The following CCDC15 variants were observed in gnomAD, a reference collection of about 807,000 sequenced individuals.
CCDC15 encodes coiled-coil domain-containing protein 15.
In CCDC15, 105 loss-of-function variants were observed where a neutral mutation model predicts 114.5. The ratio of observed to expected loss-of-function variants is 0.92; its 90% CI spans 0.78 to 1.08. The LOEUF is 1.08. Ranked by LOEUF, CCDC15 falls within the 50% of genes least tolerant of loss-of-function variation. CCDC15 has a pLI of 0.00. For missense variants in CCDC15, 1,105 were observed against 1,093.6 expected (o/e 1.01, Z -0.15); for synonymous variants, 334 against 377.8 (o/e 0.88, Z 1.34).
intron 13 of CCDC15, among the ~76,000 whole-genome samples, chr11:125,005,772 T>C (rs1332121545): frequency 6.6e-6 from 1 of 152,218 alleles, no homozygotes; most frequent in Admixed American, 6.5e-5. Flanking sequence ...TCCATGGTTT[T>C]GCCTTTTCCA....
At chr11:124,969,969 T>A (rs780115380) in intron 4 of CCDC15, among the ~76,000 whole-genome samples, 3 of 152,144 alleles carry the variant, frequency 2.0e-5, no homozygotes, top group Non-Finnish European at 4.4e-5. Context: ...TCTCATAGGG[T>A]GACCAACCTT....
intron 13 of CCDC15, among the ~76,000 whole-genome samples, chr11:125,012,871 T>C (rs1356933780): frequency 6.6e-6 from 1 of 152,168 alleles, no homozygotes; most frequent in African/African-American, 2.4e-5. Flanking sequence ...GACAGGATAG[T>C]ACATATTTAC....
At chr11:124,995,610 A>G (rs1361066466) in intron 11 of CCDC15, among the ~76,000 whole-genome samples, 1 of 152,170 alleles carries the variant, frequency 6.6e-6, no homozygotes, top group Non-Finnish European at 1.5e-5. Flanking sequence ...GCAAGACACG[A>G]CACTCAAATT....
intron 11 of CCDC15, among the ~76,000 whole-genome samples, chr11:124,996,220 G>A (rs1223466564): frequency 6.6e-6 from 1 of 152,020 alleles, no homozygotes; most frequent in Non-Finnish European, 1.5e-5. Context: ...CATACTTAGG[G>A]TTCCCAGGGC....
At chr11:124,954,968 T>A (rs1051202193) in intron 2 of CCDC15, 59 bp downstream of exon 2, 14 of 1,477,496 alleles carry the variant, frequency 9.5e-6, no homozygotes, top group Non-Finnish European at 1.2e-5. Flanking sequence ...TTATTAGCCT[T>A]CTCTAATCCT....
rs943792762 is a variant in CCDC15 at position 125,038,921 on chromosome 11, A to C, written c.2586A>C (p.Arg862Ser). 1.9e-6 allele frequency: 3 copies of C among 1,612,514 alleles called. No homozygotes were observed. In the African/African-American group the frequency reaches 4.0e-5, roughly 22 times the overall value. Residue 862 changes from arginine to serine, a missense_variant and splice_region_variant, in exon 15 of 16, where the codon AGA (arginine) becomes AGC (serine). Transcript: ENST00000344762. ...GCCTGATTATACTTTATTTGTACAG[A>C]TATGTAGAAGCTTTACGAGCCCAAA... ...EKQQREKEYLRYVEALRAQIQ... is the reference protein window; with the variant it reads ...EKQQREKEYLSYVEALRAQIQ...
intron 13 of CCDC15, among the ~76,000 whole-genome samples, chr11:125,010,637 AG>A (rs1265952757): frequency 1.3e-5 from 2 of 152,186 alleles, no homozygotes; most frequent in Non-Finnish European, 2.9e-5. Context: ...GGGGAATTAC[AG>A]GAGTGAGCTA....
intron 13 of CCDC15, among the ~76,000 whole-genome samples, chr11:125,018,813 A>C (rs1948644619): frequency 6.6e-6 from 1 of 152,014 alleles, no homozygotes; most frequent in South Asian, 2.1e-4. Context: ...TTTAAAGCCA[A>C]AGTTGGGGAT....
In CCDC15 at chr11:125,003,942, G is replaced by A. The variant is rs1427179276; in HGVS notation, c.2290G>A (p.Glu764Lys). ...GGCATTTCAGTCTGACGTGGATAAAGAAGAAGATAAGAAAGAGGTATGTAA... is the reference window on the plus strand; with the variant it reads ...GGCATTTCAGTCTGACGTGGATAAAAAAGAAGATAAGAAAGAGGTATGTAA... ...PLAFQSDVDK[E>K]EDKKERQKQY... The change falls in exon 12 of 16, where the codon GAA (glutamate) becomes AAA (lysine). Residue 764 changes from glutamate to lysine, a missense_variant. Transcript: ENST00000344762. The A allele has an allele frequency of 3.9e-6, 6 of 1,539,668 alleles. No homozygotes were observed. Among genetic ancestry groups the A allele is most frequent in the Non-Finnish European group, 5.2e-6 (6 of 1,148,716 alleles).
At chr11:124,959,725 T>TTAAAATATTA in intron 3 of CCDC15, 90 bp from the exon 4 acceptor site, 1 of 264,126 alleles carries the variant, frequency 3.8e-6, no homozygotes, top group Non-Finnish European at 7.0e-6. Context: ...CCCACCCCAA[T>TTAAAATATTA]TTAAAATCTT....
In CCDC15 at chr11:125,003,960, G is replaced by A; in HGVS notation, c.2307+1G>A. On this transcript the variant is annotated splice_donor_variant, in intron 12 of 15. Transcript: ENST00000344762. LOFTEE classifies it high-confidence loss of function. ...GGATAAAGAAGAAGATAAGAAAGAGGTATGTAATGATACTGCTTTTGGATC... is the reference window on the plus strand; with the variant it reads ...GGATAAAGAAGAAGATAAGAAAGAGATATGTAATGATACTGCTTTTGGATC... 1 of 1,470,018 alleles carries A rather than the reference G, an allele frequency of 6.8e-7. No homozygotes were observed. The highest frequency in any genetic ancestry group is 9.1e-7 in the Non-Finnish European group (1 of 1,100,866). 91.1% of individuals were successfully genotyped at this position (1,470,018 alleles called of 1,614,324 possible).
rs1045750588 is a variant in CCDC15, at chr11:125,040,790, C to G, written c.*79C>G. The G allele has an allele frequency of 3.2e-6, 4 of 1,239,368 alleles. No individual in the cohort carries two copies. The highest frequency in any genetic ancestry group is 3.0e-5 in the African/African-American group (2 of 66,100). 76.8% of individuals were successfully genotyped at this position (1,239,368 alleles called of 1,614,324 possible). A position where few individuals can be genotyped will look rare whatever the true frequency, so the allele number is the denominator to read the frequency against. On this transcript the variant is annotated 3_prime_UTR_variant, in exon 16 of 16. Coordinates refer to ENST00000344762, the MANE Select transcript of CCDC15 (RefSeq NM_025004.3). Reference sequence around the variant, plus strand: ...GAGAGAGTATTTAAGAAAAGCTGTTCAAGTTATAAAATATATAATCTGGGA... The same window carrying G: ...GAGAGAGTATTTAAGAAAAGCTGTTGAAGTTATAAAATATATAATCTGGGA...
At chr11:124,963,433 G>A (rs11759951) in intron 4 of CCDC15, among the ~76,000 whole-genome samples, 40,603 of 152,036 alleles carry the variant, frequency 0.27, 6,421 homozygotes, top group African/African-American at 0.44. Context: ...GGCTGCATAA[G>A]TGTCTTCTTT....
chr11:125,012,021 C>T lies in CCDC15; in HGVS notation c.2411+6809C>T, dbSNP rs182276407. Among the ~76,000 whole-genome samples the T allele has an allele frequency of 5.3e-5, 8 of 152,286 alleles. No homozygotes were observed. The South Asian group carries it at 6.2e-4, about 12-fold the overall frequency. On this transcript the variant is annotated intron_variant, in intron 13 of 15. Coordinates refer to ENST00000344762, the MANE Select transcript of CCDC15 (RefSeq NM_025004.3). ...AGCCCAGATATCTAAGTTCTAGGTA[C>T]ATGCCCTGTAAGTGGTCACCCCTTA...
At chr11:124,964,631 T>C (rs1010333721) in intron 4 of CCDC15, among the ~76,000 whole-genome samples, 2 of 152,212 alleles carry the variant, frequency 1.3e-5, no homozygotes, top group African/African-American at 4.8e-5. Flanking sequence ...ATACCCTTTA[T>C]GTCTTTCTCT....
At chr11:124,983,705 C>T (rs963720562) in intron 6 of CCDC15, among the ~76,000 whole-genome samples, 1 of 152,156 alleles carries the variant, frequency 6.6e-6, no homozygotes, top group Non-Finnish European at 1.5e-5. Context: ...ATGGATGGTG[C>T]CAGCCAAAAC....
intron 13 of CCDC15, among the ~76,000 whole-genome samples, chr11:125,016,825 A>G (rs1249732854): frequency 1.3e-5 from 2 of 152,142 alleles, no homozygotes; most frequent in Non-Finnish European, 2.9e-5. Flanking sequence ...TAGCAATACT[A>G]CTGACCTTCT....
rs79534690 is a variant in CCDC15 at position 125,014,971 on chromosome 11, T to C, written c.2411+9759T>C. Among the ~76,000 whole-genome samples, 692 of 152,252 alleles carry C rather than the reference T, an allele frequency of 4.5e-3. 5 individuals carry two copies. Among genetic ancestry groups the C allele is most frequent in the African/African-American group, 0.016 (657 of 41,540 alleles). ...AATATGTTCTGTAACTTTAGTGATA[T>C]TACACTAGAAATCAATAAGCAGTAT... is the stretch of plus-strand genomic sequence containing the variant. On this transcript the variant is annotated intron_variant, in intron 13 of 15. Transcript: ENST00000344762.
intron 2 of CCDC15, among the ~76,000 whole-genome samples, chr11:124,956,945 C>T (rs1331434670): frequency 1.3e-5 from 2 of 152,148 alleles, no homozygotes; most frequent in African/African-American, 2.4e-5. Flanking sequence ...TTCAGGGGGC[C>T]ATCAGGATTC....
Sources: allele counts gnomAD v4.1 joint callset (sites outside exome capture counted in the v4.1 genomes callset), GRCh38; gene constraint gnomAD v4.1.1; transcripts MANE v1.5; gene names NCBI Gene and HGNC (gene_info 2026-07-23, HGNC 2026-07-21).